Variants in MTMR3 observed in about 807,000 individuals in gnomAD.
MTMR3 encodes phosphatidylinositol-3,5-bisphosphate 3-phosphatase MTMR3.
MTMR3 carries 32 observed loss-of-function variants against 132.4 expected under a neutral mutation model. The observed-to-expected ratio is 0.24, with a 90% CI of 0.18 to 0.32. The LOEUF is 0.32. Among genes scored for constraint, MTMR3 ranks in the 10% least tolerant of loss-of-function variants. The probability of loss-of-function intolerance (pLI) is 1.00; values close to 1 mark genes in which losing one functional copy is unlikely to be tolerated. For missense variants in MTMR3, 1,216 were observed against 1,489.6 expected, an observed-to-expected ratio of 0.82 and a Z score of 3.02; for synonymous variants, 556 against 550.3, an observed-to-expected ratio of 1.01 and a Z score of -0.14.
intron 1 of MTMR3, among the ~76,000 whole-genome samples, chr22:29,897,593 C>T (rs1429593435): frequency 6.6e-6 from 1 of 151,842 alleles, no homozygotes; most frequent in Non-Finnish European, 1.5e-5. Context: ...GCTGGGATTA[C>T]AGGAGCTCGT....
intron 8 of MTMR3, chr22:30,000,343 C>T (rs1407576583): frequency 6.6e-6 from 1 of 152,180 alleles, no homozygotes; most frequent in African/African-American, 2.4e-5. Flanking sequence ...TGGCTGTAGT[C>T]CCAGCTACTG....
chr22:29,970,497 C>CTTTTTTTTTTTTTTTTTTT (rs11326857), intron 2 of MTMR3, among the ~76,000 whole-genome samples: 1 of 57,744 alleles, frequency 1.7e-5, no homozygotes, highest in African/African-American at 7.9e-5. Context: ...CCATGACCAG[C>CTTTTTTTTTTTTTTTTTTT]TTTTTTTTTT....
At chr22:29,897,224 A>G (rs1203627947) in intron 1 of MTMR3, among the ~76,000 whole-genome samples, 1 of 151,688 alleles carries the variant, frequency 6.6e-6, no homozygotes, top group Non-Finnish European at 1.5e-5. Flanking sequence ...CTACAGGTGC[A>G]CGCCACCATG....
intron 11 of MTMR3, 105 bp downstream of exon 11, chr22:30,008,137 C>A: frequency 7.0e-7 from 1 of 1,435,928 alleles, no homozygotes; most frequent in Non-Finnish European, 9.5e-7. Context: ...AGCCATATTC[C>A]TCATCCATCC....
At chr22:30,025,174 T>C (rs1350931227) in intron 19 of MTMR3, 1 of 162,026 alleles carries the variant, frequency 6.2e-6, no homozygotes, top group East Asian at 1.7e-4. Flanking sequence ...GAAGTGGCCG[T>C]TGGGCAAGGC....
At chr22:30,017,450 G>T (rs902094754) in intron 15 of MTMR3, 2 of 160,184 alleles carry the variant, frequency 1.2e-5, no homozygotes, top group Admixed American at 6.5e-5. Context: ...TGCCTTCTGG[G>T]GAAGTAACAA....
chr22:29,901,609 A>G (rs2065003550), intron 1 of MTMR3, among the ~76,000 whole-genome samples: 1 of 151,844 alleles, frequency 6.6e-6, no homozygotes, highest in African/African-American at 2.4e-5. Flanking sequence ...CCATTTCCTC[A>G]CCTCTAGTCT....
Position 30,016,563 on chromosome 22 carries a change from TG to T in MTMR3, c.1541del (p.Gly514GlufsTer56). On this transcript the variant is annotated frameshift_variant, in exon 15 of 20. Coordinates refer to ENST00000401950, the MANE Select transcript of MTMR3 (RefSeq NM_021090.4). LOFTEE classifies it high-confidence loss of function. ...TGCAGCATACCTATTCCTGCCTGTT[TG>T]GAACATTCCTGTGCAACAACGCCAA... ...LVQHTYSCLF[G>X]TFLCNNAKER... 6.2e-7 allele frequency: 1 copy of T among 1,614,174 alleles called. No homozygotes were observed. The highest frequency in any genetic ancestry group is 8.5e-7 in the Non-Finnish European group (1 of 1,180,012).
chr22:29,929,123 A>C (rs2065587863), intron 1 of MTMR3, among the ~76,000 whole-genome samples: 1 of 151,954 alleles, frequency 6.6e-6, no homozygotes, highest in Admixed American at 6.6e-5. Context: ...CTACTAAAAA[A>C]TACAAAAATT....
intron 17 of MTMR3, 76 bp downstream of exon 17, chr22:30,020,960 TGC>T: frequency 7.3e-7 from 1 of 1,362,434 alleles, no homozygotes; most frequent in Admixed American, 2.2e-5. Flanking sequence ...TTGTGCCCAG[TGC>T]ATGGTGATTG....
intron 1 of MTMR3, among the ~76,000 whole-genome samples, chr22:29,947,922 G>T (rs898657992): frequency 6.6e-6 from 1 of 152,110 alleles, no homozygotes. Context: ...AATAATCTGA[G>T]AATTGCTTTG....
chr22:29,921,050 G>T (rs2065402406), intron 1 of MTMR3, among the ~76,000 whole-genome samples: 2 of 152,058 alleles, frequency 1.3e-5, no homozygotes, highest in South Asian at 2.1e-4. Flanking sequence ...ATACTTTGGG[G>T]AATGTGTTTG....
At chr22:29,960,446 C>CA (rs895588265) in intron 2 of MTMR3, among the ~76,000 whole-genome samples, 10 of 151,738 alleles carry the variant, frequency 6.6e-5, no homozygotes, top group South Asian at 2.1e-4. Context: ...TTAAATGGTT[C>CA]AAAAAAAATG....
chr22:29,970,960 T>TTCCC lies in MTMR3; in HGVS notation c.-84-16_-84-15insTCCC. On this transcript the variant is annotated splice_polypyrimidine_tract_variant and intron_variant, in intron 2 of 19. Transcript: ENST00000401950. ...CTTTTTTTTTTCTTCTTCCCCCTCT[T>TTCCC]CCCCCCCACCCCCAGACTTCACCAT... The TTCCC allele has an allele frequency of 3.8e-6, 2 of 529,954 alleles. No individual in the cohort carries two copies. The highest frequency in any genetic ancestry group is 6.1e-5 in the East Asian group (1 of 16,282). 32.8% of individuals were successfully genotyped at this position (529,954 alleles called of 1,614,324 possible).
At chr22:29,910,418 G>A (rs1337432895) in intron 1 of MTMR3, among the ~76,000 whole-genome samples, 1 of 152,140 alleles carries the variant, frequency 6.6e-6, no homozygotes, top group African/African-American at 2.4e-5. Context: ...TTGTTTCAGA[G>A]TGATTACTCC....
intron 1 of MTMR3, among the ~76,000 whole-genome samples, chr22:29,891,452 A>G (rs1017086333): frequency 1.3e-5 from 2 of 151,464 alleles, no homozygotes; most frequent in Admixed American, 6.6e-5. Context: ...TATTTTTTAG[A>G]CAAGAGTCTT....
chr22:30,014,574 T>A (rs560533710), intron 14 of MTMR3: 1 of 144,598 alleles, frequency 6.9e-6, no homozygotes, highest in Non-Finnish European at 1.5e-5. Flanking sequence ...AGCAGTGTGA[T>A]CATAACTCAC....
At chr22:30,008,988 T>C (rs2067341512) in intron 11 of MTMR3, 30 bp from the exon 12 acceptor site, 5 of 1,490,170 alleles carry the variant, frequency 3.4e-6, no homozygotes, top group Non-Finnish European at 4.7e-6. Context: ...TTCAACGTAT[T>C]TGTGTTCTCT....
chr22:29,989,781 G>T (rs557250600), intron 6 of MTMR3: 1 of 152,280 alleles, frequency 6.6e-6, no homozygotes, highest in East Asian at 1.9e-4. Context: ...TTCCAGTCGA[G>T]ATGTCACCTG....
Sources: allele counts gnomAD v4.1 joint callset (sites outside exome capture counted in the v4.1 genomes callset), GRCh38; gene constraint gnomAD v4.1.1; transcripts MANE v1.5; gene names NCBI Gene and HGNC (gene_info 2026-07-23, HGNC 2026-07-21).